The following ABHD12 variants were observed in gnomAD, a reference collection of about 807,000 sequenced individuals.
ABHD12 encodes abhydrolase domain containing 12, lysophospholipase.
ABHD12 carries 43 observed loss-of-function variants against 58.3 expected under a neutral mutation model. The observed-to-expected ratio is 0.74, with a 90% CI of 0.58 to 0.95. ABHD12 has a LOEUF of 0.95. Ranked by LOEUF, ABHD12 falls within the 40% of genes least tolerant of loss-of-function variation. The pLI is 0.00. For missense variants in ABHD12, 539 were observed against 537.2 expected (o/e 1.00, Z -0.03); for synonymous variants, 219 against 211.2 (o/e 1.04, Z -0.32).
chr20:25,372,286 T>C (rs957169546), intron 1 of ABHD12, among the ~76,000 whole-genome samples: 1 of 152,088 alleles, frequency 6.6e-6, no homozygotes, highest in African/African-American at 2.4e-5. Flanking sequence ...CTCCACCTCC[T>C]GGCCTTAAGT....
At chr20:25,318,993 C>A (rs2089016281) in intron 4 of ABHD12, among the ~76,000 whole-genome samples, 1 of 152,176 alleles carries the variant, frequency 6.6e-6, no homozygotes, top group Non-Finnish European at 1.5e-5. Context: ...CAGAAGGGCC[C>A]AGCACAGCTC....
chr20:25,357,454 G>T (rs1472665469), intron 1 of ABHD12, among the ~76,000 whole-genome samples: 1 of 152,210 alleles, frequency 6.6e-6, no homozygotes, highest in Non-Finnish European at 1.5e-5. Context: ...GGATGCTCAA[G>T]AAGTATTGGT....
chr20:25,333,699 A>G (rs1479368072), intron 2 of ABHD12, among the ~76,000 whole-genome samples: 1 of 151,974 alleles, frequency 6.6e-6, no homozygotes, highest in Non-Finnish European at 1.5e-5. Context: ...AGAACCAAAG[A>G]CAAAAACCAC....
Position 25,308,444 on chromosome 20 carries a change from AC to A in ABHD12, c.787+12del, listed in dbSNP as rs2088787537. The A allele has an allele frequency of 1.2e-6, 2 of 1,610,964 alleles. No homozygotes were observed. Among genetic ancestry groups the A allele is most frequent in the East Asian group, 4.5e-5 (2 of 44,836 alleles). On this transcript the variant is annotated intron_variant, in intron 8 of 12. Transcript: ENST00000339157. The stretch of plus-strand genomic sequence containing the variant: ...TGCTCACTGCCACGGCTGGGGCCCA[AC>A]AAGGCACTCACCTCGCTCACAGAGG...
chr20:25,331,925 A>T (rs555076660), intron 2 of ABHD12, among the ~76,000 whole-genome samples: 1 of 152,306 alleles, frequency 6.6e-6, no homozygotes, highest in South Asian at 2.1e-4. Flanking sequence ...AGCTAACATC[A>T]TAATGACAGG....
chr20:25,361,227 G>A (rs2089742674), intron 1 of ABHD12, among the ~76,000 whole-genome samples: 1 of 152,208 alleles, frequency 6.6e-6, no homozygotes, highest in African/African-American at 2.4e-5. Flanking sequence ...CCCTAGACAG[G>A]AAGCTGAGTC....
chr20:25,375,800 T>C (rs2089955151), intron 1 of ABHD12, among the ~76,000 whole-genome samples: 2 of 152,280 alleles, frequency 1.3e-5, no homozygotes, highest in Admixed American at 6.5e-5. Flanking sequence ...CCTTGGTCAG[T>C]AGTGGAAGTT....
At chr20:25,317,867 G>GCGA in intron 4 of ABHD12, among the ~76,000 whole-genome samples, 1 of 152,156 alleles carries the variant, frequency 6.6e-6, no homozygotes, top group African/African-American at 2.4e-5. Context: ...AGGGACATGG[G>GCGA]CCACCTGGGA....
At chr20:25,360,650 GT>G (rs772259356) in intron 1 of ABHD12, among the ~76,000 whole-genome samples, 5 of 152,166 alleles carry the variant, frequency 3.3e-5, no homozygotes, top group Non-Finnish European at 7.4e-5. Context: ...AACCATAGTG[GT>G]CAGAATGAGA....
rs1253345692 is a variant in ABHD12 at position 25,350,049 on chromosome 20, T to TA, written c.192-10699dup. On this transcript the variant is annotated intron_variant, in intron 1 of 12. Transcript: ENST00000339157. Reference sequence around the variant, plus strand: ...ATAAAAGAGGGGCTTACAAAGTTAGTAAAATTCAACATGTAGTCCCAATAA... The same window carrying TA: ...ATAAAAGAGGGGCTTACAAAGTTAGTAAAAATTCAACATGTAGTCCCAATAA... 3.3e-5 allele frequency among the ~76,000 whole-genome samples: 5 copies of TA among 152,276 alleles called. No individual in the cohort carries two copies. In the East Asian group the frequency reaches 9.7e-4, roughly 29 times the overall value.
chr20:25,307,443 G>A (rs894194110), intron 9 of ABHD12, among the ~76,000 whole-genome samples: 3 of 152,276 alleles, frequency 2.0e-5, no homozygotes, highest in African/African-American at 7.2e-5. Context: ...GAGTGAGAAG[G>A]AGGGGAAAAT....
chr20:25,380,445 T>C (rs1326709432), intron 1 of ABHD12, among the ~76,000 whole-genome samples: 1 of 152,150 alleles, frequency 6.6e-6, no homozygotes. Flanking sequence ...TGATATCTAA[T>C]ATCACTGCTA....
chr20:25,366,387 C>T (rs778321932), intron 1 of ABHD12, among the ~76,000 whole-genome samples: 48 of 152,016 alleles, frequency 3.2e-4, no homozygotes, highest in Non-Finnish European at 5.1e-4. Flanking sequence ...CTGCCTCAGC[C>T]TCCCTAGTAG....
Position 25,295,146 on chromosome 20 carries a change from A to G in ABHD12, c.1158-116T>C. 7.3e-6 allele frequency: 8 copies of G among 1,091,754 alleles called. No individual in the cohort carries two copies. In the South Asian group the frequency reaches 1.0e-4, roughly 14 times the overall value. 67.6% of individuals were successfully genotyped at this position (1,091,754 alleles called of 1,614,324 possible). A position where few individuals can be genotyped will look rare whatever the true frequency, so the allele number is the denominator to read the frequency against. ...ATTCATAAATCTGGCATTTTTGTTC[A>G]GCACATCAGGAACTGCAAGTCAGTA... On this transcript the variant is annotated intron_variant, in intron 12 of 12. Transcript: ENST00000376542.
downstream of ABHD12, among the ~76,000 whole-genome samples, chr20:25,295,433 G>A (rs1001767296): frequency 1.3e-5 from 2 of 152,270 alleles, no homozygotes; most frequent in Admixed American, 1.3e-4. Context: ...AAGCCCTGTG[G>A]CCAAATGGGC....
At chr20:25,312,020 A>G (rs973033278) in intron 6 of ABHD12, among the ~76,000 whole-genome samples, 1 of 151,978 alleles carries the variant, frequency 6.6e-6, no homozygotes, top group Non-Finnish European at 1.5e-5. Flanking sequence ...AATACACTTT[A>G]AAACAGTCTC....
intron 2 of ABHD12, among the ~76,000 whole-genome samples, chr20:25,327,382 G>A (rs765276350): frequency 6.6e-6 from 1 of 151,778 alleles, no homozygotes; most frequent in African/African-American, 2.4e-5. Flanking sequence ...CAAGAGAATT[G>A]CTTGAACCCG....
At chr20:25,346,808 G>A (rs568361039) in intron 1 of ABHD12, among the ~76,000 whole-genome samples, 1 of 152,192 alleles carries the variant, frequency 6.6e-6, no homozygotes, top group Admixed American at 6.5e-5. Context: ...ACCAAGCCCA[G>A]CTAATTTTTT....
rs763328365 is a variant in ABHD12, at chr20:25,339,301, C to T, written c.242G>A (p.Gly81Glu). The change falls in exon 2 of 13, where the codon GGG (glycine) becomes GAG (glutamate). Residue 81 changes from glycine to glutamate, a missense_variant. By Grantham distance (98) the Gly-to-Glu change is moderately conservative. Transcript: ENST00000339157. ...GAGAAATGGAATGGCAATGTACAAC[C>T]CCAAAACACAGAAAAGTATCTTCCT... ...RLRKILFCVLGLYIAIPFLIK... is the reference protein window; with the variant it reads ...RLRKILFCVLELYIAIPFLIK... The T allele has an allele frequency of 6.2e-7, 1 of 1,614,132 alleles. No individual in the cohort carries two copies. The highest frequency in any genetic ancestry group is 2.2e-5 in the East Asian group (1 of 44,876).
Sources: allele counts gnomAD v4.1 joint callset (sites outside exome capture counted in the v4.1 genomes callset), GRCh38; gene constraint gnomAD v4.1.1; transcripts MANE v1.5; gene names NCBI Gene and HGNC (gene_info 2026-07-23, HGNC 2026-07-21).